TNNI3K: variants seen among roughly 807,000 people sequenced by gnomAD.
TNNI3K encodes TNNI3 interacting kinase.
A neutral mutation model predicts 114.5 loss-of-function variants in TNNI3K; 140 were observed. The ratio of observed to expected loss-of-function variants is 1.22; its 90% CI spans 1.07 to 1.41. The LOEUF (loss-of-function observed/expected upper bound fraction) is 1.41, where lower values mean the gene tolerates loss of function less well. Among genes scored for constraint, TNNI3K ranks in the 40% most tolerant of loss-of-function variants. The probability of loss-of-function intolerance (pLI) is 0.00; values close to 1 mark genes in which losing one functional copy is unlikely to be tolerated. For missense variants in TNNI3K, 1,125 were observed against 1,007.6 expected, an observed-to-expected ratio of 1.12 and a Z score of -1.58; for synonymous variants, 347 against 347.5, an observed-to-expected ratio of 1.00 and a Z score of 0.02.
intron 17 of TNNI3K, among the ~76,000 whole-genome samples, chr1:74,403,294 T>G (rs1179834455): frequency 1.3e-5 from 2 of 152,170 alleles, no homozygotes; most frequent in African/African-American, 4.8e-5. Flanking sequence ...AGAAGTAGTT[T>G]TCATCTGTTA....
intron 17 of TNNI3K, among the ~76,000 whole-genome samples, chr1:74,392,310 C>A (rs766909245): frequency 2.7e-4 from 41 of 152,148 alleles, no homozygotes; most frequent in Non-Finnish European, 5.9e-4. Flanking sequence ...ATAGAAGGAT[C>A]TAATTGTGTG....
intron 4 of TNNI3K, among the ~76,000 whole-genome samples, chr1:74,260,766 A>C (rs1655615236): frequency 6.6e-6 from 1 of 152,110 alleles, no homozygotes; most frequent in Non-Finnish European, 1.5e-5. Flanking sequence ...TAATCCTAAC[A>C]ATATAAAAGA....
intron 5 of TNNI3K, among the ~76,000 whole-genome samples, chr1:74,287,402 GAC>G (rs1279737601): frequency 6.6e-6 from 1 of 152,118 alleles, no homozygotes; most frequent in Non-Finnish European, 1.5e-5. Flanking sequence ...TATTCACTGA[GAC>G]ACATCATAAT....
chr1:74,311,482 G>A (rs1658992096), intron 5 of TNNI3K, among the ~76,000 whole-genome samples: 1 of 152,080 alleles, frequency 6.6e-6, no homozygotes, highest in African/African-American at 2.4e-5. Flanking sequence ...GTAACATCTT[G>A]TATTTTTCTA....
At chr1:74,359,169 G>A (rs1661819345) in intron 11 of TNNI3K, among the ~76,000 whole-genome samples, 1 of 151,906 alleles carries the variant, frequency 6.6e-6, no homozygotes, top group African/African-American at 2.4e-5. Context: ...TAATGACCTT[G>A]TGCAAGGCCT....
At chr1:74,508,212 G>C (rs1670004348) in intron 23 of TNNI3K, among the ~76,000 whole-genome samples, 2 of 152,162 alleles carry the variant, frequency 1.3e-5, no homozygotes, top group African/African-American at 4.8e-5. Context: ...CACCAACATG[G>C]CACATGTATA....
intron 5 of TNNI3K, among the ~76,000 whole-genome samples, chr1:74,329,752 A>G (rs1424543635): frequency 1.3e-5 from 2 of 152,014 alleles, no homozygotes; most frequent in African/African-American, 4.8e-5. Context: ...ACCTGGAAAA[A>G]TTTCTTAATT....
At chr1:74,321,498 A>T (rs2100383338) in intron 5 of TNNI3K, among the ~76,000 whole-genome samples, 1 of 152,096 alleles carries the variant, frequency 6.6e-6, no homozygotes, top group East Asian at 1.9e-4. Flanking sequence ...TTGTATCTTC[A>T]GCCTTGCCCT....
At chr1:74,252,833 T>C (rs1655021351) in intron 4 of TNNI3K, among the ~76,000 whole-genome samples, 1 of 152,138 alleles carries the variant, frequency 6.6e-6, no homozygotes, top group South Asian at 2.1e-4. Flanking sequence ...GAGTGAGCAG[T>C]AGCAAGATTT....
chr1:74,427,515 G>A (rs1665695056), intron 17 of TNNI3K, among the ~76,000 whole-genome samples: 1 of 151,954 alleles, frequency 6.6e-6, no homozygotes, highest in Non-Finnish European at 1.5e-5. Context: ...AAAAACCTCT[G>A]TTCATCCACG....
At chr1:74,441,430 A>G (rs917607399) in intron 20 of TNNI3K, among the ~76,000 whole-genome samples, 2 of 152,190 alleles carry the variant, frequency 1.3e-5, no homozygotes, top group African/African-American at 2.4e-5. Flanking sequence ...ACAGAAGTTC[A>G]TGACCATTTG....
intron 23 of TNNI3K, among the ~76,000 whole-genome samples, chr1:74,535,579 A>G (rs1646651384): frequency 6.6e-6 from 1 of 152,136 alleles, no homozygotes; most frequent in Non-Finnish European, 1.5e-5. Context: ...CCTCTACAGC[A>G]CCTGGAGCCA....
At chr1:74,427,711 A>G (rs923113695) in intron 17 of TNNI3K, among the ~76,000 whole-genome samples, 1 of 152,146 alleles carries the variant, frequency 6.6e-6, no homozygotes, top group Non-Finnish European at 1.5e-5. Context: ...TACATTTTGC[A>G]GTTTGCATAC....
At chr1:74,497,245 T>C (rs1447629647) in intron 23 of TNNI3K, among the ~76,000 whole-genome samples, 1 of 152,174 alleles carries the variant, frequency 6.6e-6, no homozygotes, top group East Asian at 1.9e-4. Flanking sequence ...AAGGGGACCG[T>C]GTCCATTTGC....
intron 20 of TNNI3K, among the ~76,000 whole-genome samples, chr1:74,461,615 G>T (rs1667460081): frequency 3.3e-5 from 5 of 152,114 alleles, no homozygotes; most frequent in South Asian, 2.1e-4. Context: ...AAAATGAGTG[G>T]CTATATTTAC....
chr1:74,368,060 T>C, intron 13 of TNNI3K, 96 bp downstream of exon 13: 1 of 1,200,468 alleles, frequency 8.3e-7, no homozygotes, highest in Middle Eastern at 2.9e-4. Context: ...TTACAAATGA[T>C]GACTATTTTA....
chr1:74,496,917 G>A (rs911014100), intron 23 of TNNI3K, among the ~76,000 whole-genome samples: 1 of 152,112 alleles, frequency 6.6e-6, no homozygotes, highest in Admixed American at 6.6e-5. Context: ...AAACCAATTA[G>A]TGTTTATGTG....
At chr1:74,320,685 G>A (rs945963976) in intron 5 of TNNI3K, among the ~76,000 whole-genome samples, 11 of 151,954 alleles carry the variant, frequency 7.2e-5, no homozygotes, top group Non-Finnish European at 1.3e-4. Context: ...ATGACATAAC[G>A]TTTAGAATTT....
chr1:74,332,073 A>G (rs557800015), intron 6 of TNNI3K, among the ~76,000 whole-genome samples: 1 of 152,248 alleles, frequency 6.6e-6, no homozygotes, highest in South Asian at 2.1e-4. Context: ...GTGATTCTAT[A>G]ACAGGTCCAT....
Sources: gnomAD v4.1 joint callset for allele counts (sites outside exome capture counted in the v4.1 genomes callset) on GRCh38, gnomAD v4.1.1 for gene constraint, MANE v1.5 for transcripts, NCBI Gene and HGNC (gene_info 2026-07-23, HGNC 2026-07-21) for gene names.